Variants in PRKN observed in about 807,000 individuals in gnomAD.
PRKN encodes E3 ubiquitin-protein ligase parkin.
In PRKN, 56 loss-of-function variants were observed where a neutral mutation model predicts 59.5. The ratio of observed to expected loss-of-function variants is 0.94; its 90% CI spans 0.76 to 1.18. PRKN has a LOEUF of 1.18. Ranked by LOEUF, PRKN falls within the 50% of genes most tolerant of loss-of-function variation. The pLI is 0.00. For synonymous variants in PRKN, 250 were observed against 222.1 expected (o/e 1.13, Z -1.12); for missense variants, 657 against 596.4 (o/e 1.10, Z -1.06).
At chr6:162,181,054 C>G (rs1309204459) in intron 4 of PRKN, among the ~76,000 whole-genome samples, 1 of 152,154 alleles carries the variant, frequency 6.6e-6, no homozygotes, top group Non-Finnish European at 1.5e-5. Context: ...TCCTTTACAC[C>G]ACGTTTCATT....
At chr6:161,930,467 T>C (rs936786658) in intron 6 of PRKN, among the ~76,000 whole-genome samples, 7 of 152,218 alleles carry the variant, frequency 4.6e-5, no homozygotes, top group African/African-American at 1.2e-4. Context: ...AATTTAGTAA[T>C]CTACTTAAAT....
At chr6:161,994,017 T>G (rs983333554) in intron 5 of PRKN, among the ~76,000 whole-genome samples, 3 of 152,176 alleles carry the variant, frequency 2.0e-5, no homozygotes, top group Non-Finnish European at 2.9e-5. Flanking sequence ...CACTAGGCCC[T>G]ACCTCTAACA....
intron 1 of PRKN, among the ~76,000 whole-genome samples, chr6:162,632,706 T>C (rs2846515): frequency 0.61 from 93,167 of 151,904 alleles, 29,307 homozygotes; most frequent in African/African-American, 0.75. Context: ...TTTGTGTAAC[T>C]GTAATAAGAA....
At position 161,818,583 on chromosome 6, in the gene PRKN, G is replaced by A. The variant is rs937560169; in HGVS notation, c.735-32675C>T. On this transcript the variant is annotated intron_variant, in intron 6 of 11. Transcript: ENST00000366898. ...ACCTGGACTAAAGCGATCCTCCTGC[G>A]TTGGACTCCCTAGTGCTGGGATTCT... Among the ~76,000 whole-genome samples, 8 of 152,092 alleles carry A rather than the reference G, an allele frequency of 5.3e-5. No homozygotes were observed. In the East Asian group the frequency reaches 5.8e-4, roughly 11 times the overall value.
At position 161,350,155 on chromosome 6, in the gene PRKN, TC is replaced by T; in HGVS notation, c.1341del (p.Trp447Ter). 1 of 1,613,548 alleles carries T rather than the reference TC, an allele frequency of 6.2e-7. No individual in the cohort carries two copies. The highest frequency in any genetic ancestry group is 8.5e-7 in the Non-Finnish European group (1 of 1,179,966). On this transcript the variant is annotated frameshift_variant, in exon 12 of 12. Coordinates refer to ENST00000366898, the MANE Select transcript of PRKN (RefSeq NM_004562.3). LOFTEE classifies it high-confidence loss of function. ...PQPQCRLEWC[W>X]NCGCEWNRVC... ...ACGCGGTTCCACTCGCAGCCACAGTTCCAGCACCACTCGAGCCTGCACTGGG... is the reference window on the plus strand; with the variant it reads ...ACGCGGTTCCACTCGCAGCCACAGTTCAGCACCACTCGAGCCTGCACTGGG...
At chr6:161,999,063 G>T (rs571731088) in intron 5 of PRKN, among the ~76,000 whole-genome samples, 1 of 152,112 alleles carries the variant, frequency 6.6e-6, no homozygotes, top group Admixed American at 6.6e-5. Flanking sequence ...GTAGATTTAG[G>T]AAAGGGTGAA....
chr6:162,547,950 T>C (rs1287077277), intron 1 of PRKN, among the ~76,000 whole-genome samples: 1 of 152,054 alleles, frequency 6.6e-6, no homozygotes, highest in Non-Finnish European at 1.5e-5. Flanking sequence ...GGTCTCCCAC[T>C]ATTCCTCATT....
At chr6:161,515,012 A>C (rs34268780) in intron 9 of PRKN, among the ~76,000 whole-genome samples, 12,838 of 152,232 alleles carry the variant, frequency 0.084, 606 homozygotes, top group South Asian at 0.14. Context: ...GAATATCTTC[A>C]TCACAAGATG....
At chr6:161,563,178 C>T (rs1432427167) in intron 8 of PRKN, among the ~76,000 whole-genome samples, 1 of 152,122 alleles carries the variant, frequency 6.6e-6, no homozygotes, top group Non-Finnish European at 1.5e-5. Flanking sequence ...AACTACCCCT[C>T]ATCTAAAGTA....
rs1046069564 is a variant in PRKN at position 161,748,979 on chromosome 6, G to A, written c.871+36793C>T. ...AAAGCGAAACAAAACAAACCAACCC[G>A]CCGCCAGGGGGCAGCTGGGAAACAT... On this transcript the variant is annotated intron_variant, in intron 7 of 11. Coordinates refer to ENST00000366898, the MANE Select transcript of PRKN (RefSeq NM_004562.3). 3.9e-5 allele frequency among the ~76,000 whole-genome samples: 6 copies of A among 152,136 alleles called. No individual in the cohort carries two copies. The East Asian group carries it at 7.7e-4, about 20-fold the overall frequency.
chr6:162,384,655 A>AAAC (rs1349863077), intron 2 of PRKN, among the ~76,000 whole-genome samples: 2 of 141,582 alleles, frequency 1.4e-5, no homozygotes, highest in African/African-American at 5.2e-5. Flanking sequence ...TGTAAAAAAA[A>AAAC]AAAAAAACAA....
intron 4 of PRKN, among the ~76,000 whole-genome samples, chr6:162,112,430 A>G (rs981894681): frequency 3.3e-5 from 5 of 152,220 alleles, no homozygotes; most frequent in African/African-American, 1.2e-4. Context: ...AATACCACAT[A>G]TTAAAAAAGA....
chr6:161,853,847 C>G (rs1360280115), intron 6 of PRKN, among the ~76,000 whole-genome samples: 1 of 152,170 alleles, frequency 6.6e-6, no homozygotes, highest in Non-Finnish European at 1.5e-5. Context: ...ACAGACATTA[C>G]TAACCCATCA....
intron 1 of PRKN, among the ~76,000 whole-genome samples, chr6:162,562,308 C>T (rs896863799): frequency 3.9e-5 from 6 of 152,174 alleles, no homozygotes; most frequent in South Asian, 2.1e-4. Flanking sequence ...CCAGGTACCA[C>T]GTCGAGGGCC....
intron 7 of PRKN, among the ~76,000 whole-genome samples, chr6:161,763,997 T>C (rs1789318234): frequency 6.6e-6 from 1 of 152,198 alleles, no homozygotes; most frequent in Non-Finnish European, 1.5e-5. Context: ...TTCTCTTATA[T>C]GAAGCTTCCA....
chr6:162,023,251 G>A (rs1487035379), intron 5 of PRKN, among the ~76,000 whole-genome samples: 14 of 152,068 alleles, frequency 9.2e-5, no homozygotes, highest in Non-Finnish European at 1.9e-4. Context: ...TTGCCTACGG[G>A]CACCTTGTGT....
chr6:162,260,493 T>C (rs150109292), intron 3 of PRKN, among the ~76,000 whole-genome samples: 3 of 152,252 alleles, frequency 2.0e-5, no homozygotes, highest in African/African-American at 4.8e-5. Flanking sequence ...AGACCCTATA[T>C]AGAGAGAATA....
chr6:161,465,901 T>C (rs1287500712), intron 9 of PRKN, among the ~76,000 whole-genome samples: 1 of 152,232 alleles, frequency 6.6e-6, no homozygotes, highest in African/African-American at 2.4e-5. Context: ...TTATTACTTT[T>C]TTTCACTTTG....
At chr6:162,256,175 A>G in intron 3 of PRKN, among the ~76,000 whole-genome samples, 1 of 152,188 alleles carries the variant, frequency 6.6e-6, no homozygotes, top group Non-Finnish European at 1.5e-5. Flanking sequence ...CTGTGAAATT[A>G]TCAAAAAGTA....
Sources: gnomAD v4.1 joint callset for allele counts (sites outside exome capture counted in the v4.1 genomes callset) on GRCh38, gnomAD v4.1.1 for gene constraint, MANE v1.5 for transcripts, NCBI Gene and HGNC (gene_info 2026-07-23, HGNC 2026-07-21) for gene names.